Variants in STPG2 observed in about 807,000 individuals in gnomAD.
STPG2 encodes the protein sperm tail PG-rich repeat containing 2, also known as sperm-tail PG-rich repeat-containing protein 2.
STPG2 carries 56 observed loss-of-function variants against 54.2 expected under a neutral mutation model. The observed-to-expected ratio is 1.03, with a 90% CI of 0.83 to 1.29. The LOEUF is 1.29. Ranked by LOEUF, STPG2 falls within the 50% of genes most tolerant of loss-of-function variation. STPG2 has a pLI of 0.00. For synonymous variants in STPG2, 200 were observed against 181.8 expected (o/e 1.10, Z -0.81); for missense variants, 596 against 544.9 (o/e 1.09, Z -0.93).
chr4:97,941,217 C>T (rs551591534), intron 8 of STPG2, among the ~76,000 whole-genome samples: 61 of 151,986 alleles, frequency 4.0e-4, no homozygotes, highest in African/African-American at 1.5e-3. Context: ...TACCCAGCGA[C>T]TTTACTCTGT....
chr4:98,079,990 A>G (rs182819203), intron 5 of STPG2, among the ~76,000 whole-genome samples: 10 of 152,254 alleles, frequency 6.6e-5, no homozygotes, highest in Admixed American at 5.2e-4. Flanking sequence ...GTAATACTTA[A>G]GAATCATAAC....
At chr4:97,760,114 A>G (rs1359597067) in intron 9 of STPG2, among the ~76,000 whole-genome samples, 1 of 152,170 alleles carries the variant, frequency 6.6e-6, no homozygotes, top group Non-Finnish European at 1.5e-5. Context: ...ATGTTAATCT[A>G]TTGATTTTCG....
chr4:97,508,523 G>C (rs896165551), intron 4 of STPG2, among the ~76,000 whole-genome samples: 1 of 151,908 alleles, frequency 6.6e-6, no homozygotes, highest in East Asian at 1.9e-4. Flanking sequence ...AAAAAAATCA[G>C]AATGCAAATT....
chr4:97,991,212 G>T (rs1734994009), intron 5 of STPG2, among the ~76,000 whole-genome samples: 2 of 151,868 alleles, frequency 1.3e-5, no homozygotes, highest in Non-Finnish European at 2.9e-5. Context: ...TTGCACCCAG[G>T]TTGCTGTGAA....
intron 5 of STPG2, among the ~76,000 whole-genome samples, chr4:98,062,936 G>T (rs1002635665): frequency 2.0e-5 from 3 of 151,592 alleles, no homozygotes; most frequent in African/African-American, 7.3e-5. Flanking sequence ...TTGTTGTAAA[G>T]ACTAGGTCTT....
chr4:97,801,375 T>C (rs955478308), intron 9 of STPG2, among the ~76,000 whole-genome samples: 2 of 152,172 alleles, frequency 1.3e-5, no homozygotes, highest in Non-Finnish European at 2.9e-5. Context: ...AAAATCTATC[T>C]CCTTCCCTTC....
At chr4:98,110,628 C>T (rs1413865120) in intron 3 of STPG2, among the ~76,000 whole-genome samples, 1 of 152,150 alleles carries the variant, frequency 6.6e-6, no homozygotes, top group Non-Finnish European at 1.5e-5. Flanking sequence ...CTTGATCTCT[C>T]AAATCACCTG....
chr4:98,134,552 T>C (rs2110168403), intron 1 of STPG2, 93 bp from the exon 2 acceptor site: 1 of 549,818 alleles, frequency 1.8e-6, no homozygotes, highest in Non-Finnish European at 3.0e-6. Context: ...ATGAGTATCC[T>C]CAATTGTTAA....
intron 8 of STPG2, chr4:97,893,068 T>A (rs1730832050): frequency 6.6e-6 from 1 of 152,100 alleles, no homozygotes; most frequent in Non-Finnish European, 1.5e-5. Flanking sequence ...CCTTTGACCA[T>A]AACATTCAGA....
At chr4:97,877,350 AAC>A (rs1242121698) in intron 8 of STPG2, among the ~76,000 whole-genome samples, 1 of 152,158 alleles carries the variant, frequency 6.6e-6, no homozygotes, top group African/African-American at 2.4e-5. Context: ...AAAGGACATG[AAC>A]ACACATTTCT....
intron 4 of STPG2, among the ~76,000 whole-genome samples, chr4:97,552,211 T>C (rs751519807): frequency 1.3e-5 from 2 of 152,138 alleles, no homozygotes; most frequent in Non-Finnish European, 2.9e-5. Context: ...GGCAAACTAT[T>C]TCACCTCCTT....
At position 97,981,202 on chromosome 4, in the gene STPG2, A is replaced by C. The variant is rs1001565083; in HGVS notation, c.729T>G (p.Ser243Arg). 1 of 1,614,030 alleles carries C rather than the reference A, an allele frequency of 6.2e-7. No homozygotes were observed. Among genetic ancestry groups the C allele is most frequent in the Non-Finnish European group, 8.5e-7 (1 of 1,179,960 alleles). The change falls in exon 6 of 11, where the codon AGT becomes AGG. Residue 243 changes from serine to arginine, a missense_variant. Transcript: ENST00000295268. ...SGLKNIPFGQSAVRFTQDIRT... is the reference protein window; with the variant it reads ...SGLKNIPFGQRAVRFTQDIRT... ...TGATGTCCTGTGTGAATCGAACAGCACTTTGACCAAATGGAATATTTTTCA... is the reference window on the plus strand; with the variant it reads ...TGATGTCCTGTGTGAATCGAACAGCCCTTTGACCAAATGGAATATTTTTCA...
At chr4:97,551,727 C>T (rs1731969862) in intron 4 of STPG2, among the ~76,000 whole-genome samples, 1 of 152,204 alleles carries the variant, frequency 6.6e-6, no homozygotes, top group Admixed American at 6.5e-5. Flanking sequence ...ATGAGGAGCT[C>T]TCGCTCATGT....
At chr4:97,661,250 C>A (rs1722368866) in intron 10 of STPG2, among the ~76,000 whole-genome samples, 1 of 151,968 alleles carries the variant, frequency 6.6e-6, no homozygotes, top group Non-Finnish European at 1.5e-5. Context: ...AAAAGAAACA[C>A]AAAAATGGGC....
chr4:97,764,153 C>G (rs1185879928), intron 9 of STPG2, among the ~76,000 whole-genome samples: 1 of 150,944 alleles, frequency 6.6e-6, no homozygotes, highest in Non-Finnish European at 1.5e-5. Context: ...GAGGCACAGA[C>G]AGACACACAC....
At chr4:98,079,512 A>C (rs1226461568) in intron 5 of STPG2, among the ~76,000 whole-genome samples, 3 of 152,212 alleles carry the variant, frequency 2.0e-5, no homozygotes, top group Admixed American at 6.5e-5. Flanking sequence ...TGAGTATTTC[A>C]GGTACTCATT....
chr4:97,938,834 T>C (rs1393659629), intron 8 of STPG2, among the ~76,000 whole-genome samples: 2 of 151,940 alleles, frequency 1.3e-5, no homozygotes, highest in African/African-American at 4.8e-5. Context: ...GTTGCCAGTA[T>C]AGGATTCACA....
chr4:97,613,341 T>C (rs1324017829), intron 10 of STPG2, among the ~76,000 whole-genome samples: 1 of 152,070 alleles, frequency 6.6e-6, no homozygotes, highest in East Asian at 1.9e-4. Context: ...TTGTGTGATG[T>C]TCTTATAATT....
At chr4:97,505,530 C>T (rs1236558930) in intron 4 of STPG2, among the ~76,000 whole-genome samples, 1 of 151,856 alleles carries the variant, frequency 6.6e-6, no homozygotes, top group Non-Finnish European at 1.5e-5. Context: ...TAATTGGATG[C>T]ATGCTGGAGA....
Sources: gnomAD v4.1 joint callset for allele counts (sites outside exome capture counted in the v4.1 genomes callset) on GRCh38, gnomAD v4.1.1 for gene constraint, MANE v1.5 for transcripts, NCBI Gene and HGNC (gene_info 2026-07-23, HGNC 2026-07-21) for gene names.